ANKRD36C: variants seen among roughly 807,000 people sequenced by gnomAD.
ANKRD36C encodes the protein ankyrin repeat domain 36C, also known as ankyrin repeat domain-containing protein 36C.
ANKRD36C carries 61 observed loss-of-function variants against 276.4 expected under a neutral mutation model. The ratio of observed to expected loss-of-function variants is 0.22; its 90% CI spans 0.18 to 0.27. ANKRD36C has a LOEUF of 0.27. Among genes scored for constraint, ANKRD36C ranks in the 10% least tolerant of loss-of-function variants. The pLI, the probability that ANKRD36C is intolerant of heterozygous loss-of-function variation, is 1.00. For missense variants in ANKRD36C, 1,447 were observed against 2,032.3 expected (o/e 0.71, Z 5.54); for synonymous variants, 483 against 680.1 (o/e 0.71, Z 4.51).
intron 34 of ANKRD36C, 141 bp downstream of exon 34, chr2:95,921,466 A>G: frequency 8.1e-7 from 1 of 1,234,796 alleles, no homozygotes. Flanking sequence ...ATTTATTACA[A>G]ATGAAGACTC....
In ANKRD36C at chr2:95,916,129, G is replaced by C. The variant is rs903579023; in HGVS notation, c.2376+14C>G. 3.7e-6 allele frequency: 6 copies of C among 1,605,406 alleles called. No homozygotes were observed. The highest frequency in any genetic ancestry group is 3.3e-5 in the Admixed American group (2 of 59,718). On this transcript the variant is annotated intron_variant, in intron 37 of 66. Coordinates refer to ENST00000456556, the Ensembl canonical transcript of ANKRD36C. ...ACGTTTACTAGCTCACAATATAAAT[G>C]AGAGTTTCATTACCTTCAAGGCTGG...
intron 1 of ANKRD36C, among the ~76,000 whole-genome samples, chr2:95,987,670 G>A (rs922481859): frequency 2.2e-5 from 3 of 139,338 alleles, no homozygotes; most frequent in South Asian, 2.2e-4. Flanking sequence ...GCCGGACTGC[G>A]GACTGCAGTG....
At chr2:95,891,192 C>G (rs908076499) in intron 46 of ANKRD36C, among the ~76,000 whole-genome samples, 1 of 150,704 alleles carries the variant, frequency 6.6e-6, no homozygotes, top group Non-Finnish European at 1.5e-5. Context: ...CTTTTTCCAC[C>G]TTCCTGCCTC....
intron 3 of ANKRD36C, among the ~76,000 whole-genome samples, chr2:95,984,776 A>G (rs1202865408): frequency 1.3e-5 from 2 of 152,156 alleles, no homozygotes; most frequent in Admixed American, 6.5e-5. Flanking sequence ...TTATAATTCT[A>G]GTTTCTATAT....
intron 36 of ANKRD36C, 63 bp downstream of exon 38, chr2:95,917,792 A>T (rs182695009): frequency 6.5e-7 from 1 of 1,536,466 alleles, no homozygotes; most frequent in Non-Finnish European, 8.8e-7. Context: ...TGATTTATTC[A>T]GGGTAGAGAA....
chr2:95,871,081 G>A (rs1353622058), intron 59 of ANKRD36C, among the ~76,000 whole-genome samples: 4 of 152,172 alleles, frequency 2.6e-5, no homozygotes, highest in African/African-American at 9.7e-5. Flanking sequence ...AACCAAGTTG[G>A]AAAACACACT....
At chr2:95,963,905 C>A (rs1450874014) in intron 6 of ANKRD36C, among the ~76,000 whole-genome samples, 2 of 117,628 alleles carry the variant, frequency 1.7e-5, no homozygotes, top group Admixed American at 9.6e-5. Flanking sequence ...CAAGAGACTT[C>A]TTTTCTTATT....
At chr2:95,858,510 G>C (rs911956113) in intron 61 of ANKRD36C, among the ~76,000 whole-genome samples, 15 of 152,098 alleles carry the variant, frequency 9.9e-5, no homozygotes, top group African/African-American at 1.2e-4. Context: ...ATTCAGTAAA[G>C]TTACAAGATA....
Position 95,907,634 on chromosome 2 carries a change from GAGTT to G in ANKRD36C, c.2653+4606_2653+4609del, listed in dbSNP as rs1306282649. ...TATTCATTGAAAATGACCATTTTAG[GAGTT>G]AGTTAGAATTCAACATCATTCTTGT... On this transcript the variant is annotated intron_variant, in intron 42 of 66. Coordinates refer to ENST00000456556, the Ensembl canonical transcript of ANKRD36C. 2.1e-5 allele frequency: 3 copies of G among 140,358 alleles called. No homozygotes were observed. In the East Asian group the frequency reaches 6.2e-4, roughly 29 times the overall value. 8.7% of individuals were successfully genotyped at this position (140,358 alleles called of 1,614,324 possible).
chr2:95,928,564 A>G (rs1419647314), intron 26 of ANKRD36C, among the ~76,000 whole-genome samples: 1 of 151,488 alleles, frequency 6.6e-6, no homozygotes, highest in Non-Finnish European at 1.5e-5. Flanking sequence ...AGAAACTCCA[A>G]AATTACATAA....
At chr2:95,984,431 G>C (rs1678987961) in intron 3 of ANKRD36C, among the ~76,000 whole-genome samples, 1 of 152,236 alleles carries the variant, frequency 6.6e-6, no homozygotes, top group African/African-American at 2.4e-5. Flanking sequence ...TTTCCATGTT[G>C]AGACAATTTG....
At chr2:95,979,888 T>C (rs1678882352) in intron 5 of ANKRD36C, among the ~76,000 whole-genome samples, 1 of 152,044 alleles carries the variant, frequency 6.6e-6, no homozygotes, top group Admixed American at 6.6e-5. Context: ...GCTCCGTATG[T>C]ATGTTGATAA....
At chr2:95,931,920 A>C in intron 24 of ANKRD36C, among the ~76,000 whole-genome samples, 1 of 152,092 alleles carries the variant, frequency 6.6e-6, no homozygotes, top group Non-Finnish European at 1.5e-5. Context: ...TTCTTCATCA[A>C]AGTCCTATTT....
Position 95,945,710 on chromosome 2 carries a change from A to G in ANKRD36C, c.1363-536T>C, listed in dbSNP as rs1678029774. On this transcript the variant is annotated intron_variant, in intron 17 of 66. Transcript: ENST00000456556. ...AACCTCCGCTCCTTCCAAAAAAGAC[A>G]GAACAAAGCAACCATCCACCTTATG... Among the ~76,000 whole-genome samples, 3 of 152,394 alleles carry G rather than the reference A, an allele frequency of 2.0e-5. No individual in the cohort carries two copies. The South Asian group carries it at 6.2e-4, about 32-fold the overall frequency.
intron 26 of ANKRD36C, 84 bp downstream of exon 26, chr2:95,928,988 G>T: frequency 1.3e-6 from 2 of 1,581,712 alleles, no homozygotes; most frequent in South Asian, 2.2e-5. Context: ...CAGCTTAGAC[G>T]AACTCCCCAC....
chr2:95,862,471 A>G (rs941713040), intron 60 of ANKRD36C, among the ~76,000 whole-genome samples: 3 of 151,728 alleles, frequency 2.0e-5, no homozygotes, highest in East Asian at 1.9e-4. Flanking sequence ...TAGAAAATAG[A>G]AAATATTCTG....
At chr2:95,881,557 A>G (rs1676077370) in intron 56 of ANKRD36C, among the ~76,000 whole-genome samples, 14 of 151,796 alleles carry the variant, frequency 9.2e-5, no homozygotes, top group Admixed American at 9.2e-4. Flanking sequence ...AAAAAACTAA[A>G]TATTCATATT....
At chr2:95,945,198 T>TA in intron 17 of ANKRD36C, 24 bp from the exon 18 acceptor site, 1 of 1,536,910 alleles carries the variant, frequency 6.5e-7, no homozygotes, top group South Asian at 1.2e-5. Context: ...ACAATAGGTT[T>TA]AAGAATAACA....
At chr2:95,963,988 T>TATATATAA (rs1558658702) in intron 6 of ANKRD36C, among the ~76,000 whole-genome samples, 26 of 19,500 alleles carry the variant, frequency 1.3e-3, no homozygotes, top group Non-Finnish European at 1.9e-3. Context: ...TATATATATA[T>TATATATAA]ATATATATAT....
Sources: gnomAD v4.1 joint callset for allele counts (sites outside exome capture counted in the v4.1 genomes callset) on GRCh38, gnomAD v4.1.1 for gene constraint, MANE v1.5 for transcripts, NCBI Gene and HGNC (gene_info 2026-07-23, HGNC 2026-07-21) for gene names.